CSRNP3: variants seen among roughly 807,000 people sequenced by gnomAD.
CSRNP3 encodes the protein cysteine and serine rich nuclear protein 3.
A neutral mutation model predicts 48.0 loss-of-function variants in CSRNP3; 12 were observed. That is an observed-to-expected ratio of 0.25 (90% CI 0.16 to 0.41). CSRNP3 has a LOEUF of 0.41. Among genes scored for constraint, CSRNP3 ranks in the 10% least tolerant of loss-of-function variants. The pLI, the probability that CSRNP3 is intolerant of heterozygous loss-of-function variation, is 1.00. For synonymous variants in CSRNP3, 263 were observed against 269.7 expected (o/e 0.98, Z 0.24); for missense variants, 580 against 724.4 (o/e 0.80, Z 2.29).
chr2:165,647,790 A>G (rs939704670), intron 4 of CSRNP3, among the ~76,000 whole-genome samples: 1 of 152,184 alleles, frequency 6.6e-6, no homozygotes. Flanking sequence ...TAGGCTTTTC[A>G]TTAGATGATT....
At chr2:165,622,549 T>C (rs185353794) in intron 4 of CSRNP3, among the ~76,000 whole-genome samples, 33 of 152,326 alleles carry the variant, frequency 2.2e-4, no homozygotes, top group South Asian at 4.1e-4. Context: ...CTGTGAAGGC[T>C]CAATGGGTTT....
At position 165,544,625 on chromosome 2, in the gene CSRNP3, A is replaced by G. The variant is rs113574128; in HGVS notation, c.-24+26664A>G. ...TTGATTCTGAATATATTTTGAACGT[A>G]GATCCAACAGGATTTGCTGATAGCT... On this transcript the variant is annotated intron_variant, in intron 3 of 6. Coordinates refer to ENST00000651982, the MANE Select transcript of CSRNP3 (RefSeq NM_001172173.2). Among the ~76,000 whole-genome samples the G allele has an allele frequency of 9.3e-4, 142 of 152,290 alleles. 2 individuals carry two copies. The highest frequency in any genetic ancestry group is 6.8e-3 in the Middle Eastern group (2 of 294).
intron 3 of CSRNP3, among the ~76,000 whole-genome samples, chr2:165,540,979 C>T (rs1392769856): frequency 6.6e-6 from 1 of 152,012 alleles, no homozygotes; most frequent in Non-Finnish European, 1.5e-5. Flanking sequence ...GGGGTTTTCT[C>T]TGAAGAGTAT....
chr2:165,524,364 T>C (rs1684705211), intron 3 of CSRNP3, among the ~76,000 whole-genome samples: 1 of 152,220 alleles, frequency 6.6e-6, no homozygotes, highest in Non-Finnish European at 1.5e-5. Context: ...TTTTAAAATA[T>C]TATTGAACAT....
At chr2:165,501,365 A>G (rs1684357614) in intron 2 of CSRNP3, among the ~76,000 whole-genome samples, 1 of 152,300 alleles carries the variant, frequency 6.6e-6, no homozygotes, top group Admixed American at 6.5e-5. Context: ...TGAAAAATTG[A>G]AGAATGGAGT....
At chr2:165,589,931 CTTA>C (rs1685689887) in intron 3 of CSRNP3, among the ~76,000 whole-genome samples, 2 of 152,114 alleles carry the variant, frequency 1.3e-5, no homozygotes, top group African/African-American at 4.8e-5. Flanking sequence ...ATTGCAATAT[CTTA>C]TTATAAAAAT....
chr2:165,533,621 C>T (rs1001132711), intron 3 of CSRNP3, among the ~76,000 whole-genome samples: 1 of 152,046 alleles, frequency 6.6e-6, no homozygotes, highest in Non-Finnish European at 1.5e-5. Context: ...TCTCACAGAC[C>T]ACAAGCTAAC....
At chr2:165,646,382 G>T (rs1686812470) in intron 4 of CSRNP3, among the ~76,000 whole-genome samples, 4 of 152,062 alleles carry the variant, frequency 2.6e-5, no homozygotes, top group African/African-American at 9.7e-5. Flanking sequence ...TTCTGACCTG[G>T]ATTATCATGA....
chr2:165,470,996 A>C (rs888032946), intron 1 of CSRNP3, among the ~76,000 whole-genome samples: 32 of 151,694 alleles, frequency 2.1e-4, no homozygotes, highest in African/African-American at 7.0e-4. Context: ...TGTTTTTCAA[A>C]TTTTTTTATT....
intron 3 of CSRNP3, among the ~76,000 whole-genome samples, chr2:165,525,066 C>T (rs1312235497): frequency 6.6e-6 from 1 of 152,188 alleles, no homozygotes; most frequent in Non-Finnish European, 1.5e-5. Context: ...ATTCTCATTG[C>T]TCCATGCCTT....
At chr2:165,674,004 G>A (rs1273979593) in intron 5 of CSRNP3, among the ~76,000 whole-genome samples, 1 of 152,052 alleles carries the variant, frequency 6.6e-6, no homozygotes, top group Non-Finnish European at 1.5e-5. Context: ...CTGGGAAACA[G>A]AGCTAGACTC....
At chr2:165,677,428 T>C (rs2105364301) in intron 6 of CSRNP3, among the ~76,000 whole-genome samples, 1 of 152,266 alleles carries the variant, frequency 6.6e-6, no homozygotes, top group Middle Eastern at 3.4e-3. Flanking sequence ...TCCCCCTTCA[T>C]TTATAATGTC....
Position 165,532,048 on chromosome 2 carries a change from G to A in CSRNP3, c.-24+14087G>A, listed in dbSNP as rs4667828. On this transcript the variant is annotated intron_variant, in intron 3 of 6. Transcript: ENST00000651982. ...TCTGAATAGACCAATAACAGGCTCT[G>A]AAATTGAGGCAACAATCAATAGCTT... Among the ~76,000 whole-genome samples, 765 of 152,274 alleles carry A rather than the reference G, an allele frequency of 5.0e-3. 16 individuals are homozygous for A. The highest frequency in any genetic ancestry group is 0.037 in the East Asian group (191 of 5,164).
chr2:165,594,936 A>T, intron 3 of CSRNP3, 107 bp from the exon 4 acceptor site: 1 of 842,666 alleles, frequency 1.2e-6, no homozygotes, highest in Non-Finnish European at 1.8e-6. Context: ...GGAAAGCTAT[A>T]GCTCAGCTCA....
At chr2:165,649,570 G>A (rs1054226568) in intron 4 of CSRNP3, among the ~76,000 whole-genome samples, 13 of 152,152 alleles carry the variant, frequency 8.5e-5, no homozygotes, top group Admixed American at 2.6e-4. Context: ...ATAGAGAAGA[G>A]TGGTATTTAA....
intron 4 of CSRNP3, among the ~76,000 whole-genome samples, chr2:165,611,229 T>A (rs914241807): frequency 6.6e-6 from 1 of 152,060 alleles, no homozygotes; most frequent in South Asian, 2.1e-4. Context: ...GGGGAAGTAT[T>A]GCAGAATGGA....
intron 4 of CSRNP3, among the ~76,000 whole-genome samples, chr2:165,648,947 A>G (rs1164759316): frequency 2.0e-5 from 3 of 152,198 alleles, no homozygotes; most frequent in Non-Finnish European, 4.4e-5. Flanking sequence ...TTCAGCTTAC[A>G]GAGAGCTGAA....
At chr2:165,547,961 T>C (rs1041125458) in intron 3 of CSRNP3, among the ~76,000 whole-genome samples, 3 of 152,060 alleles carry the variant, frequency 2.0e-5, no homozygotes, top group Non-Finnish European at 4.4e-5. Context: ...TTGACAGAGA[T>C]TATATGTGTT....
intron 3 of CSRNP3, among the ~76,000 whole-genome samples, chr2:165,555,768 A>G (rs1685153568): frequency 6.6e-6 from 1 of 152,260 alleles, no homozygotes; most frequent in African/African-American, 2.4e-5. Context: ...GGCATTAGTC[A>G]GATGAAGAAA....
Sources: gnomAD v4.1 joint callset for allele counts (sites outside exome capture counted in the v4.1 genomes callset) on GRCh38, gnomAD v4.1.1 for gene constraint, MANE v1.5 for transcripts, NCBI Gene and HGNC (gene_info 2026-07-23, HGNC 2026-07-21) for gene names.